GASK1A: variants seen among roughly 807,000 people sequenced by gnomAD.
GASK1A encodes the protein Golgi-associated kinase 1A.
Under a neutral mutation model 41.2 loss-of-function variants are expected in GASK1A, and 40 were observed. That is an observed-to-expected ratio of 0.97 (90% CI 0.75 to 1.27). The LOEUF is 1.27. Among genes scored for constraint, GASK1A ranks in the 50% most tolerant of loss-of-function variants. GASK1A has a pLI of 0.00. For missense variants in GASK1A, 678 were observed against 745.1 expected (o/e 0.91, Z 1.05); for synonymous variants, 316 against 307.1 (o/e 1.03, Z -0.30).
rs367991850 is a variant in GASK1A, at chr3:42,985,813, A to G, written c.3+6168A>G. On this transcript the variant is annotated intron_variant, in intron 1 of 4. Transcript: ENST00000430121. ...GAGAAGCCACTGTACATCTGTTAGA[A>G]TAGTTAAAAAGTGAAGCAAAACACC... Among the ~76,000 whole-genome samples, 102 of 152,294 alleles carry G rather than the reference A, an allele frequency of 6.7e-4. 3 individuals are homozygous for G. The South Asian group carries it at 0.02, about 30-fold the overall frequency.
chr3:42,986,042 C>G (rs1391527865), intron 1 of GASK1A, among the ~76,000 whole-genome samples: 1 of 152,170 alleles, frequency 6.6e-6, no homozygotes, highest in Non-Finnish European at 1.5e-5. Context: ...ATGTTTATAA[C>G]AGCTTTACGT....
intron 1 of GASK1A, among the ~76,000 whole-genome samples, chr3:42,996,318 T>A (rs2089369144): frequency 6.6e-6 from 1 of 152,254 alleles, no homozygotes. Context: ...GAATGCTTTA[T>A]CTACAACACC....
intron 2 of GASK1A, among the ~76,000 whole-genome samples, chr3:43,036,544 G>A (rs35339908): frequency 0.36 from 54,318 of 152,028 alleles, 10,245 homozygotes; most frequent in South Asian, 0.57. Context: ...AAGCATACCT[G>A]TGCTTCACAA....
intron 1 of GASK1A, among the ~76,000 whole-genome samples, chr3:43,017,663 G>A (rs570266664): frequency 1.3e-5 from 2 of 151,478 alleles, no homozygotes; most frequent in South Asian, 4.2e-4. Context: ...ACAGAAAAAG[G>A]CAGTGTGAAG....
chr3:43,032,207 T>C (rs1351549100), intron 1 of GASK1A, 60 bp from the exon 2 acceptor site: 2 of 1,327,596 alleles, frequency 1.5e-6, no homozygotes, highest in Admixed American at 2.5e-5. Flanking sequence ...CCCATTGTTT[T>C]GTGGGTTGAG....
In GASK1A at chr3:43,032,976, G is replaced by A. The variant is rs2089585846; in HGVS notation, c.713G>A (p.Gly238Glu). The A allele has an allele frequency of 1.3e-6, 2 of 1,551,442 alleles. No individual in the cohort carries two copies. Among genetic ancestry groups the A allele is most frequent in the East Asian group, 2.4e-5 (1 of 40,884 alleles). The change falls in exon 2 of 5, where the codon GGG becomes GAG. Residue 238 changes from glycine to glutamate, a missense_variant. Gly to Glu is a moderately conservative substitution (Grantham distance 98). Transcript: ENST00000430121. Reference protein sequence around the residue: ...QWPGSVEKLQGSVWCDAETLL... With the variant: ...QWPGSVEKLQESVWCDAETLL... ...CCTGGCTCTGTTGAGAAGCTGCAAG[G>A]GTCAGTATGGTGTGATGCTGAGACG...
chr3:43,042,256 C>T (rs898242310), intron 2 of GASK1A, among the ~76,000 whole-genome samples: 2 of 151,256 alleles, frequency 1.3e-5, no homozygotes, highest in South Asian at 4.2e-4. Flanking sequence ...ATTGCTTGAG[C>T]CCAGGAGCTC....
intron 2 of GASK1A, among the ~76,000 whole-genome samples, chr3:43,034,609 G>A (rs2089596037): frequency 6.6e-6 from 1 of 152,216 alleles, no homozygotes; most frequent in African/African-American, 2.4e-5. Flanking sequence ...GAAGAAAAGG[G>A]TCCTCAATGT....
chr3:43,004,538 G>T (rs2089425443), intron 1 of GASK1A, among the ~76,000 whole-genome samples: 1 of 152,176 alleles, frequency 6.6e-6, no homozygotes, highest in Non-Finnish European at 1.5e-5. Flanking sequence ...CTTCTTTGGA[G>T]TTCCTTTTCA....
intron 1 of GASK1A, among the ~76,000 whole-genome samples, chr3:43,008,527 T>G (rs1437686363): frequency 1.3e-5 from 2 of 152,218 alleles, no homozygotes; most frequent in African/African-American, 2.4e-5. Flanking sequence ...ATAGACTCAC[T>G]GAAGGAAAAA....
intron 1 of GASK1A, among the ~76,000 whole-genome samples, chr3:43,027,353 C>T (rs995724775): frequency 2.6e-5 from 4 of 152,016 alleles, no homozygotes; most frequent in South Asian, 2.1e-4. Context: ...TGTACCAATG[C>T]GTATGACACA....
At chr3:43,022,319 A>T (rs1559402528) in intron 1 of GASK1A, among the ~76,000 whole-genome samples, 1 of 152,156 alleles carries the variant, frequency 6.6e-6, no homozygotes, top group East Asian at 1.9e-4. Context: ...CTCTCTGCAC[A>T]ACTGCACAAC....
rs532144226 is a variant in GASK1A at position 43,034,905 on chromosome 3, C to T, written c.1290+1352C>T. 2.0e-5 allele frequency among the ~76,000 whole-genome samples: 3 copies of T among 152,342 alleles called. No individual in the cohort carries two copies. In the South Asian group the frequency reaches 6.2e-4, roughly 32 times the overall value. ...CTCTTTATTGTCCGACACTCACCTACTGTCCTCCCGGCCTCTTGAATGTTA... is the reference window on the plus strand; with the variant it reads ...CTCTTTATTGTCCGACACTCACCTATTGTCCTCCCGGCCTCTTGAATGTTA... On this transcript the variant is annotated intron_variant, in intron 2 of 4. Transcript: ENST00000430121.
chr3:43,055,498 G>A lies in GASK1A; in HGVS notation c.1480G>A (p.Asp494Asn). 6.4e-7 allele frequency: 1 copy of A among 1,552,070 alleles called. No homozygotes were observed. The highest frequency in any genetic ancestry group is 1.2e-5 in the South Asian group (1 of 84,056). The change falls in exon 4 of 5, where the codon GAC (aspartate) becomes AAC (asparagine). Residue 494 changes from aspartate (D) to asparagine (N), a missense_variant. Transcript: ENST00000430121. ...DNAGNLQHPE[D>N]KLNFRLLEGI... ...CGCTGGCAACCTTCAGCACCCTGAG[G>A]ACAAGCTGAACTTTCGGCTGCTGGA...
Position 43,055,447 on chromosome 3 carries a change from C to T in GASK1A, c.1429C>T (p.Pro477Ser), listed in dbSNP as rs1292622355. 11 of 1,551,444 alleles carry T rather than the reference C, an allele frequency of 7.1e-6. No homozygotes were observed. Among genetic ancestry groups the T allele is most frequent in the East Asian group, 2.4e-5 (1 of 40,912 alleles). ...CTTCCCTGAGGTCCGGAGCAGCGAT[C>T]CATCTCACCTGGTCTACATCGATAA... is the stretch of plus-strand genomic sequence containing the variant. ...LVHILVRSSD[P>S]SHLVYIDNAG... Residue 477 changes from proline (P) to serine (S), a missense_variant, in exon 4 of 5, where the codon CCA becomes TCA. Pro to Ser is a moderately conservative substitution (Grantham distance 74). Coordinates refer to ENST00000430121, the MANE Select transcript of GASK1A (RefSeq NM_001129908.3).
In GASK1A at chr3:43,015,841, T is replaced by C. The variant is rs548271609; in HGVS notation, c.4-16426T>C. On this transcript the variant is annotated intron_variant, in intron 1 of 4. Coordinates refer to ENST00000430121, the MANE Select transcript of GASK1A (RefSeq NM_001129908.3). ...AGTGTGAAGCCACAGGAAGAGGCTGTGTGATGCCACAGGAAGGGGCACTGT... is the reference window on the plus strand; with the variant it reads ...AGTGTGAAGCCACAGGAAGAGGCTGCGTGATGCCACAGGAAGGGGCACTGT... Among the ~76,000 whole-genome samples the C allele has an allele frequency of 4.9e-4, 74 of 150,718 alleles. No individual in the cohort carries two copies. The East Asian group carries it at 0.013, about 27-fold the overall frequency.
At chr3:43,042,324 A>T (rs1311031790) in intron 2 of GASK1A, among the ~76,000 whole-genome samples, 2 of 149,238 alleles carry the variant, frequency 1.3e-5, no homozygotes, top group African/African-American at 5.0e-5. Context: ...AAAAAAAAAA[A>T]AATTAAAACT....
Position 43,033,530 on chromosome 3 carries a change from G to A in GASK1A, c.1267G>A (p.Ala423Thr). ...CCACCATACCGAGTGGGCACGCCTG[G>A]CGCTCTTCGACTTCCTGTTGCAGGT... ...GIHHTEWARLALFDFLLQVHD... is the reference protein window; with the variant it reads ...GIHHTEWARLTLFDFLLQVHD... Residue 423 changes from alanine (A) to threonine (T), a missense_variant, in exon 2 of 5, where the codon GCG (alanine) becomes ACG (threonine). Coordinates refer to ENST00000430121, the MANE Select transcript of GASK1A (RefSeq NM_001129908.3). 6.5e-7 allele frequency: 1 copy of A among 1,538,004 alleles called. No individual in the cohort carries two copies.
Position 43,032,251 on chromosome 3 carries a change from C to G in GASK1A, c.4-16C>G, listed in dbSNP as rs2089579088. On this transcript the variant is annotated splice_polypyrimidine_tract_variant and intron_variant, in intron 1 of 4. Transcript: ENST00000430121. ...TTTCCCAGATCTCAAGCTTTTCTTT[C>G]TACCCTGTCTCTCAGGCGTCTTGGC... 1.2e-5 allele frequency: 18 copies of G among 1,495,800 alleles called. No homozygotes were observed. The highest frequency in any genetic ancestry group is 1.7e-4 in the Middle Eastern group (1 of 5,746). The allele number at this position is 1,495,800 out of a possible 1,614,324, so 92.7% of individuals were successfully genotyped here.
Sources: allele counts gnomAD v4.1 joint callset (sites outside exome capture counted in the v4.1 genomes callset), GRCh38; gene constraint gnomAD v4.1.1; transcripts MANE v1.5; gene names NCBI Gene and HGNC (gene_info 2026-07-23, HGNC 2026-07-21).